The following MYL9 variants were observed in gnomAD, a reference collection of about 807,000 sequenced individuals.
MYL9 encodes myosin regulatory light polypeptide 9.
Under a neutral mutation model 12.8 loss-of-function variants are expected in MYL9, and 7 were observed. The ratio of observed to expected loss-of-function variants is 0.55; its 90% CI spans 0.31 to 1.03. The LOEUF (loss-of-function observed/expected upper bound fraction) is 1.03. Among genes scored for constraint, MYL9 ranks in the 50% least tolerant of loss-of-function variants. The pLI is 0.05. For missense variants in MYL9, 190 were observed against 242.7 expected (o/e 0.78, Z 1.44); for synonymous variants, 81 against 87.8 (o/e 0.92, Z 0.43).
chr20:36,546,368 C>T (rs1175152216), intron 2 of MYL9, among the ~76,000 whole-genome samples: 3 of 152,172 alleles, frequency 2.0e-5, no homozygotes, highest in African/African-American at 7.2e-5. Context: ...AGTCAAGCCT[C>T]GAGCTTTGAG....
chr20:36,551,131 G>C lies in MYL9; in HGVS notation c.*1882G>C, dbSNP rs2038162381. 1 of 152,540 alleles carries C rather than the reference G, an allele frequency of 6.6e-6. No individual in the cohort carries two copies. The highest frequency in any genetic ancestry group is 6.5e-5 in the Admixed American group (1 of 15,276). The allele number at this position is 152,540 out of a possible 1,614,324, so 9.4% of individuals were successfully genotyped here. A position where few individuals can be genotyped will look rare whatever the true frequency, so the allele number is the denominator to read the frequency against. On this transcript the variant is annotated 3_prime_UTR_variant, in exon 4 of 4. Transcript: ENST00000279022. The stretch of plus-strand genomic sequence containing the variant: ...ACAGTTCACCCCACCTTCACCCCGA[G>C]ACGGAAGACGGAAGAGCTTCGCACA...
rs1351171143 is a variant in MYL9, at chr20:36,541,534, G to A, written c.-54G>A. The A allele has an allele frequency of 6.5e-6, 1 of 153,256 alleles. No individual in the cohort carries two copies. The highest frequency in any genetic ancestry group is 6.5e-5 in the Admixed American group (1 of 15,296). 9.5% of individuals were successfully genotyped at this position (153,256 alleles called of 1,614,324 possible). ...CGGCCGGCCCAGTTCCACGCACCCA[G>A]CGAGCCCAAGCGCCTTCTCCGCACC... On this transcript the variant is annotated 5_prime_UTR_variant, in exon 1 of 4. Transcript: ENST00000279022.
In MYL9 at chr20:36,548,158, G is replaced by A. The variant is rs756203307; in HGVS notation, c.311G>A (p.Arg104His). 5.6e-6 allele frequency: 9 copies of A among 1,613,654 alleles called. No homozygotes were observed. Among genetic ancestry groups the A allele is most frequent in the East Asian group, 4.5e-5 (2 of 44,862 alleles). ...GGCACGGACCCCGAGGATGTGATTC[G>A]CAACGCCTTTGCCTGCTTCGACGAG... ...LNGTDPEDVI[R>H]NAFACFDEEA... The change falls in exon 3 of 4, where the codon CGC becomes CAC. Residue 104 changes from arginine (R) to histidine (H), a missense_variant. Physicochemically the swap from Arg to His is conservative, Grantham distance 29. Coordinates refer to ENST00000279022, the MANE Select transcript of MYL9 (RefSeq NM_006097.5).
intron 2 of MYL9, among the ~76,000 whole-genome samples, chr20:36,545,528 C>T (rs2038087675): frequency 6.7e-6 from 1 of 150,174 alleles, no homozygotes; most frequent in African/African-American, 2.5e-5. Flanking sequence ...GAAACTGAAG[C>T]ACAAAGCAGG....
intron 2 of MYL9, among the ~76,000 whole-genome samples, chr20:36,546,899 CTCCAGGGT>C (rs1216022940): frequency 6.6e-6 from 1 of 152,200 alleles, no homozygotes; most frequent in Non-Finnish European, 1.5e-5. Flanking sequence ...GCCTGGCCAA[CTCCAGGGT>C]TCTTATCTGG....
Position 36,549,274 on chromosome 20 carries a change from AG to A in MYL9, c.*26del. On this transcript the variant is annotated 3_prime_UTR_variant, in exon 4 of 4. Transcript: ENST00000279022. ...GGCCACCCCAGCCCCCTGACACCCC[AG>A]CCCCCGCCAGTCACCCCTCCCCGCA... 1 of 1,018,112 alleles carries A rather than the reference AG, an allele frequency of 9.8e-7. No homozygotes were observed. The highest frequency in any genetic ancestry group is 1.3e-6 in the Non-Finnish European group (1 of 794,792). 63.1% of individuals were successfully genotyped at this position (1,018,112 alleles called of 1,614,324 possible).
chr20:36,544,705 T>C (rs1183790757), intron 1 of MYL9, among the ~76,000 whole-genome samples, 154 bp from the exon 2 acceptor site: 1 of 152,164 alleles, frequency 6.6e-6, no homozygotes, highest in Non-Finnish European at 1.5e-5. Context: ...ACAGCCACAC[T>C]TGTCTGCTTT....
rs982627496 is a variant in MYL9 at position 36,550,125 on chromosome 20, G to C, written c.*876G>C. On this transcript the variant is annotated 3_prime_UTR_variant, in exon 4 of 4. Transcript: ENST00000279022. ...GAATCACCACAGCCAATCCCGTGGA[G>C]GGTTCCAGGCCTCTTGGGGGGCAGA... 6.6e-6 allele frequency: 1 copy of C among 152,572 alleles called. No individual in the cohort carries two copies. Among genetic ancestry groups the C allele is most frequent in the Non-Finnish European group, 1.5e-5 (1 of 68,352 alleles). The allele number at this position is 152,572 out of a possible 1,614,324, so 9.5% of individuals were successfully genotyped here. A position where few individuals can be genotyped will look rare whatever the true frequency, so the allele number is the denominator to read the frequency against.
chr20:36,548,596 G>A lies in MYL9; in HGVS notation c.346+403G>A, dbSNP rs549373826. Among the ~76,000 whole-genome samples, 119 of 150,970 alleles carry A rather than the reference G, an allele frequency of 7.9e-4. 1 individual carries two copies. The highest frequency in any genetic ancestry group is 2.7e-3 in the African/African-American group (112 of 41,452). On this transcript the variant is annotated intron_variant, in intron 3 of 3. Coordinates refer to ENST00000279022, the MANE Select transcript of MYL9 (RefSeq NM_006097.5). The stretch of plus-strand genomic sequence containing the variant: ...GCCATGGTAACATGGCCATGGGCCC[G>A]CACGGGCCTGACTACCTTCACGGTC...
At position 36,548,093 on chromosome 20, in the gene MYL9, C is replaced by T. The variant is rs752671530; in HGVS notation, c.246C>T (p.Asn82=). Residue 82 remains asparagine (N), a synonymous_variant, in exon 3 of 4, where the codon AAC becomes AAT. Transcript: ENST00000279022. ...GMMSEAPGPI[N]FTMFLTMFGE... ...TGAGCGAGGCCCCGGGGCCCATCAA[C>T]TTCACCATGTTCCTCACCATGTTTG... 1.2e-6 allele frequency: 2 copies of T among 1,613,976 alleles called. No individual in the cohort carries two copies. Among genetic ancestry groups the T allele is most frequent in the South Asian group, 2.2e-5 (2 of 91,062 alleles).
Position 36,548,116 on chromosome 20 carries a change from T to C in MYL9, c.269T>C (p.Phe90Ser), listed in dbSNP as rs139570787. The C allele has an allele frequency of 3.7e-5, 60 of 1,613,900 alleles. No homozygotes were observed. The highest frequency in any genetic ancestry group is 6.7e-5 in the African/African-American group (5 of 74,926). Residue 90 changes from phenylalanine (F) to serine (S), a missense_variant, in exon 3 of 4, where the codon TTT becomes TCT. Phe to Ser is a radical substitution (Grantham distance 155). Coordinates refer to ENST00000279022, the MANE Select transcript of MYL9 (RefSeq NM_006097.5). The part of the protein sequence containing the change: ...PINFTMFLTM[F>S]GEKLNGTDPE... Reference sequence around the variant, plus strand: ...AACTTCACCATGTTCCTCACCATGTTTGGGGAGAAGCTGAACGGCACGGAC... The same window carrying C: ...AACTTCACCATGTTCCTCACCATGTCTGGGGAGAAGCTGAACGGCACGGAC...
In MYL9 at chr20:36,548,185, A is replaced by G. The variant is rs369885534; in HGVS notation, c.338A>G (p.Glu113Gly). The change falls in exon 3 of 4, where the codon GAA becomes GGA. Residue 113 changes from glutamate to glycine, a missense_variant. Physicochemically the swap from Glu to Gly is moderately conservative, Grantham distance 98. Coordinates refer to ENST00000279022, the MANE Select transcript of MYL9 (RefSeq NM_006097.5). ...IRNAFACFDE[E>G]ASGFIHEDHL... ...AACGCCTTTGCCTGCTTCGACGAGGAAGCCTCAGGTCCGTGGCGCCCCCTA... is the reference window on the plus strand; with the variant it reads ...AACGCCTTTGCCTGCTTCGACGAGGGAGCCTCAGGTCCGTGGCGCCCCCTA... The G allele has an allele frequency of 6.8e-6, 11 of 1,611,044 alleles. No homozygotes were observed. Among genetic ancestry groups the G allele is most frequent in the Admixed American group, 5.0e-5 (3 of 59,754 alleles).
At chr20:36,545,191 C>A in intron 2 of MYL9, 123 bp downstream of exon 2, 5 of 1,166,072 alleles carry the variant, frequency 4.3e-6, no homozygotes, top group Non-Finnish European at 6.0e-6. Context: ...TTGCCATTAA[C>A]TTAGTCCATT....
At position 36,549,180 on chromosome 20, in the gene MYL9, G is replaced by C; in HGVS notation, c.450G>C (p.Lys150Asn). The C allele has an allele frequency of 1.2e-6, 2 of 1,614,056 alleles. No individual in the cohort carries two copies. Among genetic ancestry groups the C allele is most frequent in the Non-Finnish European group, 1.7e-6 (2 of 1,180,022 alleles). The change falls in exon 4 of 4, where the codon AAG becomes AAC. Residue 150 changes from lysine (K) to asparagine (N), a missense_variant. Physicochemically the swap from Lys to Asn is moderately conservative, Grantham distance 94. Transcript: ENST00000279022. Reference protein sequence around the residue: ...DEMYREAPIDKKGNFNYVEFT... With the variant: ...DEMYREAPIDNKGNFNYVEFT... ...TGTACCGGGAGGCACCCATTGATAA[G>C]AAAGGCAACTTCAACTACGTGGAGT...
chr20:36,549,175 G>C lies in MYL9; in HGVS notation c.445G>C (p.Asp149His), dbSNP rs755368835. 6 of 1,613,938 alleles carry C rather than the reference G, an allele frequency of 3.7e-6. No individual in the cohort carries two copies. In the Admixed American group the frequency reaches 5.0e-5, roughly 13 times the overall value. The change falls in exon 4 of 4, where the codon GAT (aspartate) becomes CAT (histidine). Residue 149 changes from aspartate to histidine, a missense_variant. Physicochemically the swap from Asp to His is moderately conservative, Grantham distance 81. Transcript: ENST00000279022. The stretch of plus-strand genomic sequence containing the variant: ...CGAGATGTACCGGGAGGCACCCATT[G>C]ATAAGAAAGGCAACTTCAACTACGT... ...VDEMYREAPI[D>H]KKGNFNYVEF...
At chr20:36,543,385 C>T (rs1233727331) in intron 1 of MYL9, among the ~76,000 whole-genome samples, 1 of 152,168 alleles carries the variant, frequency 6.6e-6, no homozygotes, top group African/African-American at 2.4e-5. Context: ...GGAAACAGCT[C>T]AAGTTGCAAC....
At chr20:36,543,401 A>C (rs1275987200) in intron 1 of MYL9, among the ~76,000 whole-genome samples, 1 of 152,178 alleles carries the variant, frequency 6.6e-6, no homozygotes, top group East Asian at 1.9e-4. Context: ...GCAACCACAC[A>C]GCTTGGGGTG....
chr20:36,543,736 G>A (rs1257730351), intron 1 of MYL9, among the ~76,000 whole-genome samples: 1 of 152,210 alleles, frequency 6.6e-6, no homozygotes, highest in Admixed American at 6.5e-5. Flanking sequence ...TGGCCCACAA[G>A]GGAGAGAGAT....
intron 3 of MYL9, among the ~76,000 whole-genome samples, chr20:36,548,704 T>C (rs1268537407): frequency 6.6e-6 from 1 of 152,146 alleles, no homozygotes; most frequent in Non-Finnish European, 1.5e-5. Flanking sequence ...CAAAGTCACA[T>C]AGCTAGGGAG....
Sources: allele counts gnomAD v4.1 joint callset (sites outside exome capture counted in the v4.1 genomes callset), GRCh38; gene constraint gnomAD v4.1.1; transcripts MANE v1.5; gene names NCBI Gene and HGNC (gene_info 2026-07-23, HGNC 2026-07-21).